Variants in SH3D19 observed in about 807,000 individuals in gnomAD.
SH3D19 encodes SH3 domain-containing protein 19.
Under a neutral mutation model 112.1 loss-of-function variants are expected in SH3D19, and 58 were observed. The ratio of observed to expected loss-of-function variants is 0.52; its 90% CI spans 0.42 to 0.64. SH3D19 has a LOEUF of 0.64. Ranked by LOEUF, SH3D19 falls within the 30% of genes least tolerant of loss-of-function variation. The pLI is 0.00. For synonymous variants in SH3D19, 391 were observed against 448.5 expected (o/e 0.87, Z 1.62); for missense variants, 1,090 against 1,263.4 (o/e 0.86, Z 2.08).
intron 2 of SH3D19, among the ~76,000 whole-genome samples, chr4:151,195,590 T>C (rs1763344378): frequency 6.6e-6 from 1 of 151,896 alleles, no homozygotes; most frequent in Admixed American, 6.6e-5. Context: ...GAATTTCTGC[T>C]TTTCTTAAAA....
At chr4:151,180,346 T>C (rs1265924814) in intron 3 of SH3D19, among the ~76,000 whole-genome samples, 1 of 152,136 alleles carries the variant, frequency 6.6e-6, no homozygotes, top group Non-Finnish European at 1.5e-5. Flanking sequence ...AATTTTATTT[T>C]ATAAAGTAAA....
intron 1 of SH3D19, among the ~76,000 whole-genome samples, chr4:151,278,535 T>C (rs1022865082): frequency 1.3e-5 from 2 of 152,144 alleles, no homozygotes; most frequent in African/African-American, 4.8e-5. Context: ...GTCTCCAACA[T>C]TCCTTTTTCT....
At chr4:151,158,393 G>A (rs1284309208) in intron 9 of SH3D19, among the ~76,000 whole-genome samples, 4 of 151,944 alleles carry the variant, frequency 2.6e-5, no homozygotes, top group African/African-American at 9.7e-5. Flanking sequence ...TCTGTCTCCC[G>A]GGTTCAAGCG....
At chr4:151,127,337 A>G (rs1160423535) in intron 19 of SH3D19, among the ~76,000 whole-genome samples, 5 of 152,226 alleles carry the variant, frequency 3.3e-5, no homozygotes, top group African/African-American at 1.2e-4. Context: ...TATTACTGAG[A>G]TCTGATGACC....
intron 15 of SH3D19, among the ~76,000 whole-genome samples, 190 bp downstream of exon 15, chr4:151,134,884 T>C (rs1436179659): frequency 6.6e-6 from 1 of 152,220 alleles, no homozygotes; most frequent in Non-Finnish European, 1.5e-5. Context: ...GATGGGTTCT[T>C]GCTATGTGGC....
At chr4:151,224,471 CT>C (rs2149944778) in intron 2 of SH3D19, among the ~76,000 whole-genome samples, 1 of 152,166 alleles carries the variant, frequency 6.6e-6, no homozygotes, top group South Asian at 2.1e-4. Context: ...ATCCTTCAGA[CT>C]TTTTCAAAAA....
chr4:151,312,338 T>G (rs1415241386), intron 1 of SH3D19, among the ~76,000 whole-genome samples: 1 of 152,240 alleles, frequency 6.6e-6, no homozygotes, highest in Non-Finnish European at 1.5e-5. Context: ...ATCAACATCA[T>G]ATTTTTAAAT....
At chr4:151,129,119 C>T (rs560862642) in intron 17 of SH3D19, among the ~76,000 whole-genome samples, 1 of 152,158 alleles carries the variant, frequency 6.6e-6, no homozygotes, top group Admixed American at 6.5e-5. Context: ...CTATGAATTC[C>T]CAGGTCTTTA....
chr4:151,132,283 AG>A, intron 17 of SH3D19, 47 bp downstream of exon 17: 2 of 1,457,392 alleles, frequency 1.4e-6, no homozygotes, highest in Non-Finnish European at 1.9e-6. Context: ...TATTCCTCCC[AG>A]AGTCTGAACC....
intron 1 of SH3D19, among the ~76,000 whole-genome samples, chr4:151,236,192 T>C (rs1277956270): frequency 6.6e-6 from 1 of 152,232 alleles, no homozygotes; most frequent in Non-Finnish European, 1.5e-5. Context: ...GGGGCCCCTC[T>C]CTGGGGCTGG....
intron 1 of SH3D19, among the ~76,000 whole-genome samples, chr4:151,258,162 A>G (rs1227065968): frequency 6.6e-6 from 1 of 152,170 alleles, no homozygotes; most frequent in Non-Finnish European, 1.5e-5. Context: ...TTCCCTATAG[A>G]TCCTGTTCCA....
At chr4:151,157,746 C>T (rs1395311437) in intron 9 of SH3D19, among the ~76,000 whole-genome samples, 2 of 152,190 alleles carry the variant, frequency 1.3e-5, no homozygotes, top group South Asian at 2.1e-4. Flanking sequence ...CCATGGAATA[C>T]TATACAGCCA....
At chr4:151,159,044 C>T (rs897762896) in intron 9 of SH3D19, among the ~76,000 whole-genome samples, 196 bp downstream of exon 9, 1 of 152,064 alleles carries the variant, frequency 6.6e-6, no homozygotes, top group Admixed American at 6.6e-5. Context: ...AATGAATTGG[C>T]CTAATCTCTC....
At chr4:151,251,645 T>C (rs1258133484) in intron 1 of SH3D19, among the ~76,000 whole-genome samples, 4 of 152,214 alleles carry the variant, frequency 2.6e-5, no homozygotes, top group Non-Finnish European at 5.9e-5. Flanking sequence ...CAGCTTAAGT[T>C]AGTGATTTCT....
chr4:151,247,417 A>G (rs992009376), intron 1 of SH3D19, among the ~76,000 whole-genome samples: 2 of 152,232 alleles, frequency 1.3e-5, no homozygotes, highest in African/African-American at 4.8e-5. Flanking sequence ...TGTTTCATCA[A>G]TAATAACTGT....
chr4:151,180,413 T>G lies in SH3D19; in HGVS notation c.194-1016A>C, dbSNP rs547461946. On this transcript the variant is annotated intron_variant, in intron 3 of 19. Coordinates refer to ENST00000604030, the MANE Select transcript of SH3D19 (RefSeq NM_001378122.1). ...CACATATGGGGTCATTTTTTTTTCTTTTTTTTTTTTTTTGAGACAGTCTCG... is the reference window on the plus strand; with the variant it reads ...CACATATGGGGTCATTTTTTTTTCTGTTTTTTTTTTTTTGAGACAGTCTCG... Among the ~76,000 whole-genome samples, 11 of 147,506 alleles carry G rather than the reference T, an allele frequency of 7.5e-5. 1 individual carries two copies. Among genetic ancestry groups the G allele is most frequent in the African/African-American group, 2.0e-4 (8 of 40,542 alleles).
At chr4:151,279,220 G>A (rs1331872490) in intron 1 of SH3D19, 1 of 224,964 alleles carries the variant, frequency 4.4e-6, no homozygotes, top group Non-Finnish European at 8.7e-6. Flanking sequence ...AGAGAAATGT[G>A]GAAATCTTTT....
rs757247209 is a variant in SH3D19, at chr4:151,182,992, C to CTTTTT, written c.194-3600_194-3596dup. Among the ~76,000 whole-genome samples, 3 of 139,984 alleles carry CTTTTT rather than the reference C, an allele frequency of 2.1e-5. 1 individual carries two copies. The allele number at this position is 139,984 out of a possible 152,430, so 91.8% of individuals were successfully genotyped here. A position where few individuals can be genotyped will look rare whatever the true frequency, so the allele number is the denominator to read the frequency against. ...TTACAGAATTATTTTCAAACTTTTT[C>CTTTTT]TTTTTTTTTTTCTTTTTGAGCTGGG... On this transcript the variant is annotated intron_variant, in intron 3 of 19. Transcript: ENST00000604030.
chr4:151,177,671 G>A (rs185471550), intron 4 of SH3D19, among the ~76,000 whole-genome samples: 1 of 152,232 alleles, frequency 6.6e-6, no homozygotes, highest in African/African-American at 2.4e-5. Flanking sequence ...ATTATAAAGT[G>A]CATACTCTGA....
Sources: gnomAD v4.1 joint callset for allele counts (sites outside exome capture counted in the v4.1 genomes callset) on GRCh38, gnomAD v4.1.1 for gene constraint, MANE v1.5 for transcripts, NCBI Gene and HGNC (gene_info 2026-07-23, HGNC 2026-07-21) for gene names.